LARGE1: variants seen among roughly 807,000 people sequenced by gnomAD.
LARGE1 encodes the protein LARGE xylosyl- and glucuronyltransferase 1.
LARGE1 carries 43 observed loss-of-function variants against 87.6 expected under a neutral mutation model. The observed-to-expected ratio is 0.49, with a 90% CI of 0.38 to 0.63. LARGE1 has a LOEUF of 0.63. LARGE1 is among the 30% of genes least tolerant of loss of function. The probability of loss-of-function intolerance (pLI) is 0.00; values close to 1 mark genes in which losing one functional copy is unlikely to be tolerated. For synonymous variants in LARGE1, 434 were observed against 394.6 expected (o/e 1.10, Z -1.18); for missense variants, 802 against 1,000.2 (o/e 0.80, Z 2.67).
intron 1 of LARGE1, among the ~76,000 whole-genome samples, chr22:33,837,350 A>T (rs2063140940): frequency 6.6e-6 from 1 of 151,744 alleles, no homozygotes; most frequent in South Asian, 2.1e-4. Flanking sequence ...TATATAGTAT[A>T]CATATATGTG....
At chr22:33,179,647 C>G (rs1923059647) in intron 11 of LARGE1, among the ~76,000 whole-genome samples, 1 of 152,084 alleles carries the variant, frequency 6.6e-6, no homozygotes, top group Admixed American at 6.6e-5. Context: ...TCTGTATATC[C>G]CAACAATTTG....
intron 6 of LARGE1, among the ~76,000 whole-genome samples, chr22:33,492,908 G>A (rs944483410): frequency 2.0e-5 from 3 of 152,138 alleles, no homozygotes; most frequent in Non-Finnish European, 4.4e-5. Flanking sequence ...TGCGGGCGGC[G>A]GGTGGGCAAT....
the LARGE1 span, among the ~76,000 whole-genome samples, chr22:33,151,343 T>C: frequency 2.6e-5 from 4 of 152,206 alleles, no homozygotes; most frequent in African/African-American, 9.6e-5. Context: ...TACTAAGAGT[T>C]TCCTTTGTAA....
intron 1 of LARGE1, among the ~76,000 whole-genome samples, chr22:33,791,392 TTA>T (rs1183069011): frequency 6.6e-6 from 1 of 152,204 alleles, no homozygotes; most frequent in Non-Finnish European, 1.5e-5. Flanking sequence ...TTTCCATGGA[TTA>T]TAATATGGCA....
At chr22:33,174,843 G>T (rs1297770368) in intron 11 of LARGE1, among the ~76,000 whole-genome samples, 2 of 152,098 alleles carry the variant, frequency 1.3e-5, no homozygotes, top group Non-Finnish European at 2.9e-5. Context: ...AATTGGGGCC[G>T]TAATGAATAG....
At chr22:33,435,809 C>T (rs567004946) in intron 6 of LARGE1, among the ~76,000 whole-genome samples, 1 of 152,330 alleles carries the variant, frequency 6.6e-6, no homozygotes, top group South Asian at 2.1e-4. Flanking sequence ...TACCACTTAA[C>T]CCTCTCAGGC....
chr22:33,722,296 GGAGGGAGAGGGAGAGGAGGGA>G (rs1183662430), intron 2 of LARGE1, among the ~76,000 whole-genome samples: 19 of 143,718 alleles, frequency 1.3e-4, no homozygotes, highest in African/African-American at 4.9e-4. Flanking sequence ...GAGAGGGAGA[GGAGGGAGAGGGAGAGGAGGGA>G]GAGGGAGAGG....
intron 2 of LARGE1, among the ~76,000 whole-genome samples, chr22:33,711,337 A>C (rs2082725265): frequency 6.6e-6 from 1 of 152,208 alleles, no homozygotes; most frequent in Non-Finnish European, 1.5e-5. Context: ...GGTCTCTTTC[A>C]AGGGTTCTAA....
chr22:33,318,810 A>C (rs1159306139), intron 10 of LARGE1, among the ~76,000 whole-genome samples: 1 of 151,754 alleles, frequency 6.6e-6, no homozygotes, highest in African/African-American at 2.4e-5. Flanking sequence ...TTTTTCTGTT[A>C]AATCAGCCTT....
At chr22:33,466,693 T>C (rs911229187) in intron 6 of LARGE1, among the ~76,000 whole-genome samples, 6 of 145,344 alleles carry the variant, frequency 4.1e-5, no homozygotes, top group South Asian at 2.2e-4. Flanking sequence ...TCTCTCTCTC[T>C]ACACACACAC....
intron 3 of LARGE1, among the ~76,000 whole-genome samples, chr22:33,640,535 G>A (rs2080396505): frequency 6.6e-6 from 1 of 152,128 alleles, no homozygotes; most frequent in South Asian, 2.1e-4. Context: ...GCTAGCTGCA[G>A]GAGTTTTTTT....
intron 2 of LARGE1, among the ~76,000 whole-genome samples, chr22:33,672,836 G>A (rs2081457286): frequency 6.6e-6 from 1 of 152,210 alleles, no homozygotes; most frequent in Admixed American, 6.5e-5. Flanking sequence ...CAATATGCCA[G>A]GTGCTGAAGA....
rs377210666 is a variant in LARGE1 at position 33,256,741 on chromosome 22, G to A, written c.1730+47488C>T. Among the ~76,000 whole-genome samples the A allele has an allele frequency of 6.6e-5, 10 of 152,100 alleles. No individual in the cohort carries two copies. The South Asian group carries it at 1.2e-3, about 19-fold the overall frequency. ...TTTCACCTTCACCCTAGCCTCATGCGGTCTGTATCAACTCACATATTTCTC... is the reference window on the plus strand; with the variant it reads ...TTTCACCTTCACCCTAGCCTCATGCAGTCTGTATCAACTCACATATTTCTC... On this transcript the variant is annotated intron_variant, in intron 11 of 11. Coordinates refer to the LARGE1 transcript ENST00000608642.
chr22:33,560,884 G>A (rs985400825), intron 6 of LARGE1, among the ~76,000 whole-genome samples: 7 of 151,200 alleles, frequency 4.6e-5, no homozygotes, highest in Admixed American at 6.6e-5. Flanking sequence ...GCGCCATCTC[G>A]GCTTACTGCA....
At chr22:33,331,912 C>T (rs1937761512) in intron 10 of LARGE1, among the ~76,000 whole-genome samples, 1 of 152,150 alleles carries the variant, frequency 6.6e-6, no homozygotes, top group African/African-American at 2.4e-5. Flanking sequence ...TTCCTCGATG[C>T]ACCTTCTCTC....
At chr22:33,389,890 CCAAA>C (rs1318175452) in intron 7 of LARGE1, among the ~76,000 whole-genome samples, 1 of 115,004 alleles carries the variant, frequency 8.7e-6, no homozygotes, top group Non-Finnish European at 1.7e-5. Flanking sequence ...AACCAACCAA[CCAAA>C]CAAAAAAAAC....
Position 33,807,803 on chromosome 22 carries a change from A to G in LARGE1, c.-82-46245T>C, listed in dbSNP as rs556533144. 2.0e-5 allele frequency among the ~76,000 whole-genome samples: 3 copies of G among 152,222 alleles called. No individual in the cohort carries two copies. In the East Asian group the frequency reaches 5.8e-4, roughly 29 times the overall value. On this transcript the variant is annotated intron_variant, in intron 1 of 14. Coordinates refer to ENST00000397394, the MANE Select transcript of LARGE1 (RefSeq NM_133642.5). ...CTTTCATTTAGTCATATGTATTTAA[A>G]TTTCTTCCATGTCTTTTCATGGCTT...
intron 11 of LARGE1, among the ~76,000 whole-genome samples, chr22:33,244,126 T>C (rs1453376617): frequency 6.6e-6 from 1 of 151,946 alleles, no homozygotes; most frequent in African/African-American, 2.4e-5. Flanking sequence ...ATAGCTGGGA[T>C]TACAGGCACC....
upstream of LARGE1, chr22:33,920,537 C>G (rs1218619888): frequency 1.4e-5 from 2 of 145,284 alleles, no homozygotes; most frequent in African/African-American, 2.5e-5. Flanking sequence ...GCGGCGCGCT[C>G]TCCCCCAGGG....
Sources: allele counts gnomAD v4.1 joint callset (sites outside exome capture counted in the v4.1 genomes callset), GRCh38; gene constraint gnomAD v4.1.1; transcripts MANE v1.5; gene names NCBI Gene and HGNC (gene_info 2026-07-23, HGNC 2026-07-21).